Variants in CORO1C observed in about 807,000 individuals in gnomAD.
The protein encoded by CORO1C is coronin-1C.
CORO1C carries 14 observed loss-of-function variants against 51.2 expected under a neutral mutation model. The observed-to-expected ratio is 0.27, with a 90% CI of 0.18 to 0.43. The LOEUF is 0.43. CORO1C is among the 20% of genes least tolerant of loss of function. The probability of loss-of-function intolerance (pLI) is 1.00; values close to 1 mark genes in which losing one functional copy is unlikely to be tolerated. For synonymous variants in CORO1C, 181 were observed against 210.5 expected (o/e 0.86, Z 1.21); for missense variants, 417 against 607.8 (o/e 0.69, Z 3.30).
chr12:108,689,617 C>T (rs2034426529), intron 2 of CORO1C, among the ~76,000 whole-genome samples: 1 of 152,216 alleles, frequency 6.6e-6, no homozygotes, highest in Admixed American at 6.5e-5. Context: ...AGACTGGTTA[C>T]ACCACCCGAA....
chr12:108,669,718 G>T, intron 3 of CORO1C, among the ~76,000 whole-genome samples: 2 of 149,136 alleles, frequency 1.3e-5, no homozygotes, highest in African/African-American at 2.5e-5. Context: ...GGTGTTGTCT[G>T]AAACCATTTG....
At chr12:108,656,564 T>C (rs576654549) in intron 6 of CORO1C, among the ~76,000 whole-genome samples, 30 of 152,300 alleles carry the variant, frequency 2.0e-4, no homozygotes, top group African/African-American at 6.7e-4. Context: ...CAACAGCTCA[T>C]TGAGAACGGG....
chr12:108,672,749 T>C (rs1048863055), intron 3 of CORO1C, among the ~76,000 whole-genome samples: 1 of 152,192 alleles, frequency 6.6e-6, no homozygotes, highest in African/African-American at 2.4e-5. Context: ...ACTGTCTCTG[T>C]GTCACATTTT....
intron 3 of CORO1C, among the ~76,000 whole-genome samples, chr12:108,669,671 G>C (rs1235913786): frequency 3.2e-5 from 2 of 62,172 alleles, no homozygotes; most frequent in Admixed American, 3.2e-4. Flanking sequence ...GAGCTTTTCC[G>C]TTAAAAAAAA....
At chr12:108,702,837 G>A (rs2034916688) in intron 1 of CORO1C, 2 of 1,535,142 alleles carry the variant, frequency 1.3e-6, no homozygotes, top group Non-Finnish European at 1.7e-6. Context: ...TCCAATGCTG[G>A]GGGCATGTAG....
chr12:108,668,878 A>T (rs560974051), intron 3 of CORO1C, among the ~76,000 whole-genome samples: 40 of 152,348 alleles, frequency 2.6e-4, no homozygotes, highest in African/African-American at 9.1e-4. Flanking sequence ...CTTGGAGCTA[A>T]TATTTCCCCC....
rs76482184 is a variant in CORO1C, at chr12:108,691,072, T to G, written c.195+10052A>C. On this transcript the variant is annotated intron_variant, in intron 2 of 10. Transcript: ENST00000261401. ...CTCCTTGGATGGTGGAGATGATAAA[T>G]AGAAAAATATTACAACTTTTTTTGG... Among the ~76,000 whole-genome samples, 77 of 148,866 alleles carry G rather than the reference T, an allele frequency of 5.2e-4. 4 individuals are homozygous for G. Among genetic ancestry groups the G allele is most frequent in the Non-Finnish European group, 3.0e-5 (2 of 67,660 alleles).
At chr12:108,691,787 A>T (rs1040775381) in intron 2 of CORO1C, among the ~76,000 whole-genome samples, 1 of 152,180 alleles carries the variant, frequency 6.6e-6, no homozygotes, top group Non-Finnish European at 1.5e-5. Context: ...CTGCAGCAGC[A>T]GGAGAAGCTG....
chr12:108,710,591 A>C (rs1054886817), intron 1 of CORO1C, among the ~76,000 whole-genome samples: 1 of 151,238 alleles, frequency 6.6e-6, no homozygotes, highest in African/African-American at 2.4e-5. Flanking sequence ...TTTGAGACAG[A>C]GTCTCGCTCT....
chr12:108,691,087 AC>A (rs1470084010), intron 2 of CORO1C, among the ~76,000 whole-genome samples: 2 of 145,692 alleles, frequency 1.4e-5, no homozygotes, highest in Non-Finnish European at 3.0e-5. Flanking sequence ...AAATATTACA[AC>A]TTTTTTTGGG....
intron 3 of CORO1C, chr12:108,668,630 T>G (rs150538704): frequency 6.6e-6 from 1 of 152,330 alleles, no homozygotes; most frequent in African/African-American, 2.4e-5. Flanking sequence ...AGAAGCGTCC[T>G]TTAAACTTAA....
chr12:108,702,985 G>A (rs769399983), intron 1 of CORO1C: 29 of 1,484,210 alleles, frequency 2.0e-5, no homozygotes, highest in South Asian at 7.7e-5. Flanking sequence ...CAAATGATTC[G>A]TGGCCAGGGT....
At chr12:108,651,189 CGTAA>C (rs768466513) in intron 8 of CORO1C, among the ~76,000 whole-genome samples, 25 of 152,158 alleles carry the variant, frequency 1.6e-4, no homozygotes, top group Non-Finnish European at 1.0e-4. Context: ...ATTTGGAAGA[CGTAA>C]GTATCAATTC....
intron 2 of CORO1C, among the ~76,000 whole-genome samples, chr12:108,678,718 TAAA>T (rs5800834): frequency 1.9e-4 from 22 of 113,688 alleles, no homozygotes; most frequent in African/African-American, 4.1e-4. Context: ...TTCCATGGCT[TAAA>T]AAAAAAAAAA....
chr12:108,690,552 TACAA>T (rs2034460230), intron 2 of CORO1C, among the ~76,000 whole-genome samples: 1 of 152,216 alleles, frequency 6.6e-6, no homozygotes, highest in African/African-American at 2.4e-5. Flanking sequence ...ATTGTAAAAC[TACAA>T]ACATTTTATT....
At chr12:108,676,543 G>A (rs753831660) in intron 3 of CORO1C, among the ~76,000 whole-genome samples, 15 of 151,688 alleles carry the variant, frequency 9.9e-5, no homozygotes, top group Non-Finnish European at 1.8e-4. Flanking sequence ...AGGCTGAGGC[G>A]GGGGGATCAC....
intron 1 of CORO1C, among the ~76,000 whole-genome samples, chr12:108,717,474 G>A (rs188887301): frequency 2.0e-5 from 3 of 152,326 alleles, no homozygotes; most frequent in Admixed American, 6.5e-5. Context: ...GGATCTGCAC[G>A]TGGGAGCATC....
intron 3 of CORO1C, among the ~76,000 whole-genome samples, chr12:108,673,679 G>T (rs987651928): frequency 2.6e-5 from 4 of 152,168 alleles, no homozygotes; most frequent in Admixed American, 2.6e-4. Flanking sequence ...GGCTCACGCA[G>T]CTGGTGACTT....
At chr12:108,649,748 T>A (rs1353257539) in intron 8 of CORO1C, 1 of 152,176 alleles carries the variant, frequency 6.6e-6, no homozygotes, top group Non-Finnish European at 1.5e-5. Flanking sequence ...TCTTTTTCAG[T>A]CAAGACGGGA....
Sources: gnomAD v4.1 joint callset for allele counts (sites outside exome capture counted in the v4.1 genomes callset) on GRCh38, gnomAD v4.1.1 for gene constraint, MANE v1.5 for transcripts, NCBI Gene and HGNC (gene_info 2026-07-23, HGNC 2026-07-21) for gene names.